Variants in HPD observed in about 807,000 individuals in gnomAD.
HPD encodes 4-hydroxyphenylpyruvate dioxygenase.
A neutral mutation model predicts 56.9 loss-of-function variants in HPD; 35 were observed. That is an observed-to-expected ratio of 0.62 (90% CI 0.47 to 0.82). The LOEUF is 0.82. HPD is among the 40% of genes least tolerant of loss of function. The probability of loss-of-function intolerance (pLI) is 0.00; values close to 1 mark genes in which losing one functional copy is unlikely to be tolerated. For missense variants in HPD, 442 were observed against 506.8 expected (o/e 0.87, Z 1.23); for synonymous variants, 186 against 200.2 (o/e 0.93, Z 0.60).
At chr12:121,845,469 C>G (rs187670321) in intron 11 of HPD, among the ~76,000 whole-genome samples, 1 of 148,706 alleles carries the variant, frequency 6.7e-6, no homozygotes, top group East Asian at 2.0e-4. Context: ...GGCGTGGTGG[C>G]GGGTGCCTGT....
intron 2 of HPD, 118 bp from the exon 3 acceptor site, chr12:121,857,937 G>C (rs1284693957): frequency 1.3e-6 from 1 of 782,768 alleles, no homozygotes; most frequent in Non-Finnish European, 2.2e-6. Context: ...GAACTTAGGA[G>C]CAGCGGAACC....
At chr12:121,858,178 C>T (rs2707075) in intron 2 of HPD, among the ~76,000 whole-genome samples, 89,204 of 151,908 alleles carry the variant, frequency 0.59, 27,285 homozygotes, top group East Asian at 0.86. Context: ...GTTTTTGTTT[C>T]TGAGATGGAG....
chr12:121,852,401 C>T (rs898384816), intron 7 of HPD, among the ~76,000 whole-genome samples: 1 of 151,904 alleles, frequency 6.6e-6, no homozygotes, highest in African/African-American at 2.4e-5. Context: ...AACTCCTGGC[C>T]TCAAGTGATC....
chr12:121,866,316 A>G (rs11043224), upstream of HPD, among the ~76,000 whole-genome samples: 18,040 of 147,374 alleles, frequency 0.12, 1,640 homozygotes, highest in African/African-American at 0.24. Flanking sequence ...AAAAAAAAAA[A>G]GAATAAATAA....
chr12:121,872,116 T>C, the HPD span, among the ~76,000 whole-genome samples: 1 of 149,326 alleles, frequency 6.7e-6, no homozygotes, highest in Non-Finnish European at 1.5e-5. Flanking sequence ...GGTGGGCACC[T>C]GTAATCCCAG....
the HPD span, among the ~76,000 whole-genome samples, chr12:121,870,472 A>C: frequency 1.3e-5 from 2 of 149,242 alleles, no homozygotes; most frequent in Admixed American, 6.8e-5. Flanking sequence ...GTGCCACTGC[A>C]CTCCAGCCTG....
At chr12:121,879,265 G>GA in the HPD span, among the ~76,000 whole-genome samples, 2 of 149,562 alleles carry the variant, frequency 1.3e-5, no homozygotes, top group Admixed American at 6.8e-5. Flanking sequence ...CAACAAGAGG[G>GA]AAAATCTGTC....
intron 13 of HPD, 29 bp from the exon 14 acceptor site, chr12:121,839,867 A>G (rs1566566700): frequency 1.2e-6 from 2 of 1,610,780 alleles, no homozygotes; most frequent in East Asian, 4.5e-5. Context: ...GAGATGAGCC[A>G]AGGACCCAGA....
chr12:121,848,398 G>A (rs1021804476), intron 9 of HPD, among the ~76,000 whole-genome samples: 5 of 151,944 alleles, frequency 3.3e-5, no homozygotes, highest in African/African-American at 4.8e-5. Context: ...TGCAACCTCC[G>A]CCTTCCTGGT....
At chr12:121,850,046 G>A (rs1877714362) in intron 7 of HPD, 1 of 477,682 alleles carries the variant, frequency 2.1e-6, no homozygotes, top group South Asian at 2.0e-5. Flanking sequence ...CTGGCACAGG[G>A]GAGGTACTCA....
chr12:121,854,712 C>A lies in HPD; in HGVS notation c.405G>T (p.Val135=), dbSNP rs1877930277. The change falls in exon 7 of 14, where the codon GTG becomes GTT. Residue 135 remains valine, a synonymous_variant. Transcript: ENST00000289004. ...QDKFGKVKFA[V]LQTYGDTTHT... is the part of the protein sequence containing the mutation. ...ACCAAAGGGAACTCACCGTCTGCAG[C>A]ACAGCAAACTTCACCTTCCCAAACT... is the stretch of plus-strand genomic sequence containing the variant. 6.2e-7 allele frequency: 1 copy of A among 1,613,280 alleles called. No homozygotes were observed.
upstream of HPD, chr12:121,858,869 G>T: frequency 1.9e-6 from 3 of 1,612,526 alleles, no homozygotes; most frequent in Non-Finnish European, 2.5e-6. Flanking sequence ...GGCCTGGGGA[G>T]TGCTGGGCCG....
chr12:121,850,472 CTT>C (rs572420297), intron 7 of HPD, among the ~76,000 whole-genome samples: 26 of 120,150 alleles, frequency 2.2e-4, no homozygotes, highest in African/African-American at 5.6e-4. Context: ...CTTTAACCAT[CTT>C]TTTTTTTTTT....
At chr12:121,841,696 T>C (rs945546282) in intron 12 of HPD, among the ~76,000 whole-genome samples, 8 of 152,024 alleles carry the variant, frequency 5.3e-5, no homozygotes, top group African/African-American at 1.9e-4. Context: ...CTTTTTTTTT[T>C]TTTCCGAGAT....
chr12:121,887,944 A>G, the HPD span, among the ~76,000 whole-genome samples: 1 of 152,200 alleles, frequency 6.6e-6, no homozygotes, highest in East Asian at 1.9e-4. Flanking sequence ...ATGGTCAGAT[A>G]TCAAAGTTGA....
Position 121,839,694 on chromosome 12 carries a change from T to C in HPD, c.*34A>G. On this transcript the variant is annotated 3_prime_UTR_variant, in exon 14 of 14. Transcript: ENST00000289004. ...GAGTTCCAGAATCAGGGGGCGTGGC[T>C]GTGTGGCTGTGGCCTCCGTGGGGTG... 2 of 1,433,274 alleles carry C rather than the reference T, an allele frequency of 1.4e-6. No individual in the cohort carries two copies. Among genetic ancestry groups the C allele is most frequent in the Non-Finnish European group, 9.8e-7 (1 of 1,015,264 alleles). 88.8% of individuals were successfully genotyped at this position (1,433,274 alleles called of 1,614,324 possible). A position where few individuals can be genotyped will look rare whatever the true frequency, so the allele number is the denominator to read the frequency against.
intron 7 of HPD, among the ~76,000 whole-genome samples, chr12:121,852,674 G>A (rs190340479): frequency 2.3e-4 from 28 of 119,924 alleles, no homozygotes; most frequent in African/African-American, 7.4e-4. Flanking sequence ...TTGTTCTGTC[G>A]CCCAGGCTGG....
At chr12:121,861,921 G>C (rs569334186), upstream of HPD, among the ~76,000 whole-genome samples, 1 of 152,058 alleles carries the variant, frequency 6.6e-6, no homozygotes, top group Non-Finnish European at 1.5e-5. Flanking sequence ...GCAAGGGGAC[G>C]GTTGCTTGAG....
At chr12:121,888,531 C>T in the HPD span, among the ~76,000 whole-genome samples, 1 of 152,238 alleles carries the variant, frequency 6.6e-6, no homozygotes, top group Admixed American at 6.5e-5. Flanking sequence ...ACAGTAGGCG[C>T]TCAATAAATG....
Sources: gnomAD v4.1 joint callset for allele counts (sites outside exome capture counted in the v4.1 genomes callset) on GRCh38, gnomAD v4.1.1 for gene constraint, MANE v1.5 for transcripts, NCBI Gene and HGNC (gene_info 2026-07-23, HGNC 2026-07-21) for gene names.